The following WDR27 variants were observed in gnomAD, a reference collection of about 807,000 sequenced individuals.
WDR27 encodes the protein WD repeat-containing protein 27.
Under a neutral mutation model 114.4 loss-of-function variants are expected in WDR27, and 100 were observed. The observed-to-expected ratio is 0.87, with a 90% CI of 0.74 to 1.03. The LOEUF (loss-of-function observed/expected upper bound fraction) is 1.03, where lower values mean the gene tolerates loss of function less well. Among genes scored for constraint, WDR27 ranks in the 50% least tolerant of loss-of-function variants. WDR27 has a pLI of 0.00. For missense variants in WDR27, 1,129 were observed against 1,092.9 expected (o/e 1.03, Z -0.47); for synonymous variants, 449 against 423.1 (o/e 1.06, Z -0.75).
At chr6:169,481,390 G>C (rs1788035443) in intron 25 of WDR27, among the ~76,000 whole-genome samples, 1 of 152,202 alleles carries the variant, frequency 6.6e-6, no homozygotes, top group South Asian at 2.1e-4. Flanking sequence ...GCAGGATGTG[G>C]GTGGGGTCAG....
chr6:169,659,511 C>A lies in WDR27; in HGVS notation c.1137G>T (p.Gln379His). 1.9e-6 allele frequency: 3 copies of A among 1,609,128 alleles called. No homozygotes were observed. The South Asian group carries it at 3.3e-5, about 18-fold the overall frequency. Residue 379 changes from glutamine (Q) to histidine (H), a missense_variant, in exon 11 of 26, where the codon CAG becomes CAT. Transcript: ENST00000448612. This position sits in a 1 kb window ranked among gnomAD's most constrained non-coding sequence, Gnocchi z 4.3. ...ATCCGGCCAGCAGGATGCTGAGGCT[C>A]TGGAAATCTTCAGTTGAGCGAAGAC... ...VEAALYYKDFQSLSILLAGSC... is the reference protein window; with the variant it reads ...VEAALYYKDFHSLSILLAGSC...
rs577097069 is a variant in WDR27 at position 169,666,705 on chromosome 6, G to A, written c.712+431C>T. ...AGAACGCAAGGACCCTGGCATTCAC[G>A]AGCTGCACACGTGCTCAGGACCTGA... On this transcript the variant is annotated intron_variant, in intron 6 of 25. Coordinates refer to ENST00000448612, the MANE Select transcript of WDR27 (RefSeq NM_182552.5). 104 of 987,918 alleles carry A rather than the reference G, an allele frequency of 1.1e-4. No homozygotes were observed. The African/African-American group carries it at 1.5e-3, about 14-fold the overall frequency. The allele number at this position is 987,918 out of a possible 1,614,324, so 61.2% of individuals were successfully genotyped here.
chr6:169,538,703 T>TACACAA (rs1796477256), intron 25 of WDR27, among the ~76,000 whole-genome samples: 1 of 143,856 alleles, frequency 7.0e-6, no homozygotes, highest in South Asian at 2.2e-4. Flanking sequence ...CATACTGGAA[T>TACACAA]ACACACACAC....
intron 21 of WDR27, among the ~76,000 whole-genome samples, chr6:169,628,981 G>C (rs1310751075): frequency 6.6e-6 from 1 of 152,138 alleles, no homozygotes; most frequent in African/African-American, 2.4e-5. Flanking sequence ...AATGGACTTA[G>C]CACATACTAA....
intron 21 of WDR27, among the ~76,000 whole-genome samples, chr6:169,619,054 A>G (rs1204603058): frequency 3.3e-5 from 5 of 152,216 alleles, no homozygotes; most frequent in African/African-American, 9.6e-5. Context: ...GTACACCACA[A>G]TGATTCACAA....
intron 23 of WDR27, among the ~76,000 whole-genome samples, chr6:169,591,740 T>C (rs908191989): frequency 1.1e-4 from 16 of 152,172 alleles, no homozygotes; most frequent in Non-Finnish European, 1.6e-4. Flanking sequence ...GGTGTGGTGC[T>C]GCCCGCTGGT....
At chr6:169,563,398 C>A (rs1799955067) in intron 25 of WDR27, among the ~76,000 whole-genome samples, 1 of 152,210 alleles carries the variant, frequency 6.6e-6, no homozygotes, top group Admixed American at 6.5e-5. Flanking sequence ...AGACCCTGAA[C>A]ACTGAAGTGT....
intron 8 of WDR27, among the ~76,000 whole-genome samples, chr6:169,662,743 C>T (rs12527938): frequency 0.01 from 1,119 of 109,150 alleles, 7 homozygotes; most frequent in East Asian, 0.069. Flanking sequence ...GTACTCAGAT[C>T]ACGTGTCAAG....
chr6:169,531,649 C>G (rs1037419766), intron 25 of WDR27, among the ~76,000 whole-genome samples: 1 of 115,116 alleles, frequency 8.7e-6, no homozygotes, highest in African/African-American at 3.6e-5. Context: ...CAACATTAAA[C>G]AGTTTGTTTT....
intron 23 of WDR27, among the ~76,000 whole-genome samples, chr6:169,598,730 C>T (rs549915243): frequency 5.9e-5 from 9 of 152,344 alleles, no homozygotes; most frequent in African/African-American, 2.2e-4. Flanking sequence ...CCACAGAGGC[C>T]AGGGAAGCGT....
chr6:169,546,553 C>T (rs1797478814), intron 25 of WDR27, among the ~76,000 whole-genome samples: 2 of 152,180 alleles, frequency 1.3e-5, no homozygotes, highest in Admixed American at 1.3e-4. Flanking sequence ...TTCTAAACCA[C>T]TGAAGCCACC....
At chr6:169,463,295 G>T (rs1785143264) in intron 25 of WDR27, among the ~76,000 whole-genome samples, 1 of 152,206 alleles carries the variant, frequency 6.6e-6, no homozygotes, top group African/African-American at 2.4e-5. Flanking sequence ...CCATACGGAT[G>T]AAGCTCTCAT....
chr6:169,530,518 CTG>C (rs1208609231), intron 25 of WDR27, among the ~76,000 whole-genome samples: 1 of 152,210 alleles, frequency 6.6e-6, no homozygotes, highest in Non-Finnish European at 1.5e-5. Flanking sequence ...GTATGCATGA[CTG>C]TGTACATTTT....
chr6:169,615,252 G>A (rs1239040226), intron 21 of WDR27, among the ~76,000 whole-genome samples: 2 of 152,020 alleles, frequency 1.3e-5, no homozygotes. Context: ...TAGGTTCAGG[G>A]GTACACGTGT....
At chr6:169,595,039 G>A (rs1032838910) in intron 23 of WDR27, among the ~76,000 whole-genome samples, 13 of 152,176 alleles carry the variant, frequency 8.5e-5, no homozygotes, top group Non-Finnish European at 1.5e-4. Context: ...GGTGGCATGT[G>A]CCTGTAGTTC....
chr6:169,551,917 T>C (rs1344523989), intron 25 of WDR27, among the ~76,000 whole-genome samples: 3 of 152,154 alleles, frequency 2.0e-5, no homozygotes, highest in African/African-American at 7.2e-5. Flanking sequence ...TGCGTACTGA[T>C]AAAACTTTAT....
intron 8 of WDR27, among the ~76,000 whole-genome samples, chr6:169,662,711 CATG>C (rs1292607092): frequency 1.8e-4 from 25 of 139,018 alleles, no homozygotes; most frequent in African/African-American, 6.6e-4. Flanking sequence ...TAACACCCAG[CATG>C]ACGCGTGTGC....
At chr6:169,491,914 GCT>G (rs772061024) in intron 25 of WDR27, among the ~76,000 whole-genome samples, 81 of 152,002 alleles carry the variant, frequency 5.3e-4, no homozygotes, top group Non-Finnish European at 9.6e-4. Context: ...GAAGAGATAA[GCT>G]GAGAAAGAGA....
intron 1 of WDR27, among the ~76,000 whole-genome samples, chr6:169,694,008 CTTGTTAAAT>C (rs1333835696): frequency 6.6e-6 from 1 of 152,274 alleles, no homozygotes; most frequent in African/African-American, 2.4e-5. Flanking sequence ...GTATTTGTGC[CTTGTTAAAT>C]GTAACAGTCA....
Sources: gnomAD v4.1 joint callset for allele counts (sites outside exome capture counted in the v4.1 genomes callset) on GRCh38, gnomAD v4.1.1 for gene constraint, Gnocchi (gnomAD v3.1) non-coding constraint, MANE v1.5 for transcripts, NCBI Gene and HGNC (gene_info 2026-07-23, HGNC 2026-07-21) for gene names.